The following CSMD3 variants were observed in gnomAD, a reference collection of about 807,000 sequenced individuals.
CSMD3 encodes the protein CUB and Sushi multiple domains 3, also known as CUB and sushi domain-containing protein 3.
CSMD3 carries 177 observed loss-of-function variants against 435.2 expected under a neutral mutation model. The ratio of observed to expected loss-of-function variants is 0.41; its 90% CI spans 0.36 to 0.46. The LOEUF (loss-of-function observed/expected upper bound fraction) is 0.46, where lower values mean the gene tolerates loss of function less well. Ranked by LOEUF, CSMD3 falls within the 20% of genes least tolerant of loss-of-function variation. The pLI is 0.34. For missense variants in CSMD3, 4,265 were observed against 4,504.6 expected, an observed-to-expected ratio of 0.95 and a Z score of 1.52; for synonymous variants, 1,656 against 1,520.5, an observed-to-expected ratio of 1.09 and a Z score of -2.07.
chr8:112,241,702 A>G lies in CSMD3; in HGVS notation c.10468+18T>C. ...TTTAGAAATAATGAACTCTAGAAAA[A>G]CAAATGACATTACTAACCACTTAGC... is the stretch of plus-strand genomic sequence containing the variant. On this transcript the variant is annotated intron_variant, in intron 66 of 70. Transcript: ENST00000297405. 1 of 1,582,164 alleles carries G rather than the reference A, an allele frequency of 6.3e-7. No homozygotes were observed. The highest frequency in any genetic ancestry group is 8.7e-7 in the Non-Finnish European group (1 of 1,151,018).
At chr8:112,685,203 C>CA (rs2075983371) in intron 15 of CSMD3, among the ~76,000 whole-genome samples, 1 of 151,498 alleles carries the variant, frequency 6.6e-6, no homozygotes, top group African/African-American at 2.4e-5. Context: ...GGGCCTCTCA[C>CA]AAAAAAGGAA....
chr8:112,828,795 G>A (rs958369933), intron 12 of CSMD3, among the ~76,000 whole-genome samples: 1 of 152,140 alleles, frequency 6.6e-6, no homozygotes, highest in Non-Finnish European at 1.5e-5. Context: ...TGATATCCAC[G>A]TTGCAGACAG....
At chr8:112,596,779 T>G (rs371889078) in intron 22 of CSMD3, among the ~76,000 whole-genome samples, 1 of 151,888 alleles carries the variant, frequency 6.6e-6, no homozygotes, top group Admixed American at 6.6e-5. Context: ...GGATACATAA[T>G]GAAATGAAGG....
intron 13 of CSMD3, among the ~76,000 whole-genome samples, chr8:112,726,919 C>CA (rs1324617547): frequency 6.6e-6 from 1 of 151,712 alleles, no homozygotes; most frequent in South Asian, 2.1e-4. Flanking sequence ...GAATATGATT[C>CA]AAGAGAAAAT....
At chr8:112,274,102 A>G (rs549954584) in intron 59 of CSMD3, among the ~76,000 whole-genome samples, 1 of 152,162 alleles carries the variant, frequency 6.6e-6, no homozygotes, top group Non-Finnish European at 1.5e-5. Context: ...GTTGTTCACT[A>G]TTGCAAAAAT....
intron 3 of CSMD3, among the ~76,000 whole-genome samples, chr8:113,262,186 T>A (rs551004287): frequency 6.6e-6 from 1 of 152,202 alleles, no homozygotes; most frequent in African/African-American, 2.4e-5. Context: ...GAAATGTTTG[T>A]AACCTATAAG....
At chr8:112,328,548 C>A (rs543780848) in intron 45 of CSMD3, among the ~76,000 whole-genome samples, 1 of 152,146 alleles carries the variant, frequency 6.6e-6, no homozygotes, top group African/African-American at 2.4e-5. Context: ...TTTAGAGATG[C>A]GAGAAAGAAA....
At chr8:113,036,403 A>G (rs1587938402) in intron 5 of CSMD3, among the ~76,000 whole-genome samples, 1 of 152,128 alleles carries the variant, frequency 6.6e-6, no homozygotes, top group Middle Eastern at 3.4e-3. Context: ...TTTTATTCCT[A>G]TATTCCTAGG....
At chr8:112,448,350 C>A (rs931762142) in intron 32 of CSMD3, among the ~76,000 whole-genome samples, 4 of 152,146 alleles carry the variant, frequency 2.6e-5, no homozygotes, top group African/African-American at 4.8e-5. Flanking sequence ...AGAGCTTCCA[C>A]ATATGAAACT....
At chr8:112,847,370 T>A (rs1192589410) in intron 11 of CSMD3, among the ~76,000 whole-genome samples, 1 of 152,106 alleles carries the variant, frequency 6.6e-6, no homozygotes, top group Non-Finnish European at 1.5e-5. Flanking sequence ...TACCCTATGA[T>A]CATGGGGTGC....
chr8:113,400,278 CA>C (rs1343324069), intron 1 of CSMD3, among the ~76,000 whole-genome samples: 1 of 151,870 alleles, frequency 6.6e-6, no homozygotes, highest in East Asian at 1.9e-4. Context: ...ATAAAATTCA[CA>C]AAAACAATTC....
At chr8:112,522,024 C>T (rs1824340914) in intron 27 of CSMD3, among the ~76,000 whole-genome samples, 1 of 151,668 alleles carries the variant, frequency 6.6e-6, no homozygotes, top group Non-Finnish European at 1.5e-5. Flanking sequence ...AATTTTTACA[C>T]TACTTTTTAT....
chr8:112,525,431 T>A, intron 27 of CSMD3, among the ~76,000 whole-genome samples: 1 of 150,348 alleles, frequency 6.7e-6, no homozygotes, highest in Non-Finnish European at 1.5e-5. Flanking sequence ...TAAAAATAAC[T>A]ATCAAAAGGC....
At chr8:113,174,674 GA>G (rs1213401478) in intron 3 of CSMD3, among the ~76,000 whole-genome samples, 1 of 151,712 alleles carries the variant, frequency 6.6e-6, no homozygotes, top group Non-Finnish European at 1.5e-5. Context: ...TAGATTAAAT[GA>G]AAAAATTTTT....
intron 4 of CSMD3, among the ~76,000 whole-genome samples, chr8:113,123,432 G>T (rs2091040001): frequency 6.6e-6 from 1 of 152,014 alleles, no homozygotes; most frequent in African/African-American, 2.4e-5. Context: ...TGCAAATAAA[G>T]TTCCTTTGAA....
At chr8:113,046,811 A>G (rs1226719007) in intron 5 of CSMD3, among the ~76,000 whole-genome samples, 2 of 152,094 alleles carry the variant, frequency 1.3e-5, no homozygotes, top group Non-Finnish European at 2.9e-5. Flanking sequence ...GGACATGGAG[A>G]CTTCTCCAGT....
intron 34 of CSMD3, 105 bp from the exon 35 acceptor site, chr8:112,406,832 A>G: frequency 1.6e-6 from 1 of 622,392 alleles, no homozygotes; most frequent in Non-Finnish European, 2.7e-6. Context: ...ACTTTTTATC[A>G]GAACTTGAAT....
At chr8:113,305,566 C>G (rs968309193) in intron 2 of CSMD3, among the ~76,000 whole-genome samples, 8 of 152,120 alleles carry the variant, frequency 5.3e-5, no homozygotes, top group Non-Finnish European at 1.0e-4. Context: ...CTTTTAACCC[C>G]AGTTTTAATG....
chr8:112,496,159 CG>C (rs1175747335), intron 30 of CSMD3, among the ~76,000 whole-genome samples: 1 of 151,904 alleles, frequency 6.6e-6, no homozygotes, highest in Non-Finnish European at 1.5e-5. Flanking sequence ...TTAGTAGAGA[CG>C]GGGTGTCACC....
Sources: gnomAD v4.1 joint callset for allele counts (sites outside exome capture counted in the v4.1 genomes callset) on GRCh38, gnomAD v4.1.1 for gene constraint, MANE v1.5 for transcripts, NCBI Gene and HGNC (gene_info 2026-07-23, HGNC 2026-07-21) for gene names.